Variants in B3GLCT observed in about 807,000 individuals in gnomAD.
B3GLCT encodes beta 3-glucosyltransferase.
Under a neutral mutation model 63.4 loss-of-function variants are expected in B3GLCT, and 65 were observed. The ratio of observed to expected loss-of-function variants is 1.03; its 90% CI spans 0.84 to 1.26. B3GLCT has a LOEUF of 1.26. Among genes scored for constraint, B3GLCT ranks in the 50% most tolerant of loss-of-function variants. The pLI, the probability that B3GLCT is intolerant of heterozygous loss-of-function variation, is 0.00. For missense variants in B3GLCT, 577 were observed against 604.8 expected (o/e 0.95, Z 0.48); for synonymous variants, 233 against 219.2 (o/e 1.06, Z -0.55).
chr13:31,254,882 A>T (rs1871645451), intron 6 of B3GLCT, among the ~76,000 whole-genome samples: 1 of 152,046 alleles, frequency 6.6e-6, no homozygotes, highest in Admixed American at 6.5e-5. Context: ...CTAAAAATAC[A>T]AAAAATTAGC....
At chr13:31,221,312 T>G (rs1342792682) in intron 2 of B3GLCT, among the ~76,000 whole-genome samples, 1 of 152,178 alleles carries the variant, frequency 6.6e-6, no homozygotes, top group African/African-American at 2.4e-5. Flanking sequence ...TGGAGCCAAA[T>G]GGCTCCTCTG....
Position 31,317,638 on chromosome 13 carries a change from C to A in B3GLCT, c.1137C>A (p.Gly379=). Residue 379 remains glycine, a synonymous_variant, in exon 13 of 15, where the codon GGC becomes GGA. Transcript: ENST00000343307. ...GEPVFLGERY[G]YGLGTGGYSY... ...CTGTGTTTCTGGGAGAGCGCTACGG[C>A]TACGGCCTGGGCACTGGTGGCTACA... 1.2e-6 allele frequency: 2 copies of A among 1,614,096 alleles called. No individual in the cohort carries two copies. The highest frequency in any genetic ancestry group is 1.7e-6 in the Non-Finnish European group (2 of 1,179,990).
intron 10 of B3GLCT, among the ~76,000 whole-genome samples, chr13:31,281,758 C>T (rs1873081515): frequency 6.6e-6 from 1 of 152,218 alleles, no homozygotes; most frequent in Admixed American, 6.5e-5. Context: ...AAAGGGCCAT[C>T]TGCAAGCTGA....
At chr13:31,302,692 G>A (rs1322384391) in intron 12 of B3GLCT, among the ~76,000 whole-genome samples, 11 of 18,970 alleles carry the variant, frequency 5.8e-4, no homozygotes, top group African/African-American at 1.3e-3. Context: ...ACGGAATCTC[G>A]CTGATTGCTA....
At chr13:31,276,953 G>A (rs984517843) in intron 10 of B3GLCT, among the ~76,000 whole-genome samples, 182 bp downstream of exon 10, 2 of 152,098 alleles carry the variant, frequency 1.3e-5, no homozygotes, top group Non-Finnish European at 2.9e-5. Context: ...AGATCAATTA[G>A]GAAAGAAAAT....
chr13:31,206,493 C>T (rs990950407), intron 1 of B3GLCT, among the ~76,000 whole-genome samples: 2 of 148,050 alleles, frequency 1.4e-5, no homozygotes, highest in Admixed American at 1.3e-4. Flanking sequence ...GTAATCCCAG[C>T]ACTTTGGGAG....
intron 2 of B3GLCT, among the ~76,000 whole-genome samples, chr13:31,220,084 G>A (rs947724538): frequency 2.0e-5 from 3 of 152,206 alleles, no homozygotes; most frequent in Non-Finnish European, 1.5e-5. Flanking sequence ...GCCCAGGGCC[G>A]ACTGAGTGTA....
chr13:31,292,757 C>T (rs955522204), intron 12 of B3GLCT, among the ~76,000 whole-genome samples: 1 of 151,242 alleles, frequency 6.6e-6, no homozygotes, highest in Non-Finnish European at 1.5e-5. Context: ...TTTCAAAAAA[C>T]CAGCTCCTGG....
rs372590580 is a variant in B3GLCT, at chr13:31,255,873, C to T, written c.460-5073C>T. ...AAAACCTAGGCAATACCATTCAGGA[C>T]ATAGGCATGGGCAAAGACTTCATGA... On this transcript the variant is annotated intron_variant, in intron 6 of 14. Transcript: ENST00000343307. Among the ~76,000 whole-genome samples, 255 of 152,264 alleles carry T rather than the reference C, an allele frequency of 1.7e-3. 3 individuals carry two copies. The highest frequency in any genetic ancestry group is 3.0e-3 in the Non-Finnish European group (202 of 68,018).
At chr13:31,278,328 TTTC>T (rs1037194982) in intron 10 of B3GLCT, among the ~76,000 whole-genome samples, 2 of 152,192 alleles carry the variant, frequency 1.3e-5, no homozygotes, top group African/African-American at 4.8e-5. Flanking sequence ...AGTTTACTGC[TTTC>T]TTATTTTGCA....
chr13:31,200,252 G>C, intron 1 of B3GLCT, 98 bp downstream of exon 1: 1 of 631,526 alleles, frequency 1.6e-6, no homozygotes, highest in Non-Finnish European at 2.0e-6. Context: ...GCGCAGGGCG[G>C]CCCAGCCCTG....
intron 3 of B3GLCT, among the ~76,000 whole-genome samples, chr13:31,228,430 C>T (rs1203911190): frequency 6.6e-6 from 1 of 152,156 alleles, no homozygotes; most frequent in African/African-American, 2.4e-5. Flanking sequence ...TGGCTTAGTA[C>T]AAGCAACAGA....
chr13:31,208,095 T>G (rs530857199), intron 1 of B3GLCT, among the ~76,000 whole-genome samples: 30 of 152,266 alleles, frequency 2.0e-4, no homozygotes, highest in Middle Eastern at 3.4e-3. Context: ...TCTTTGTACT[T>G]TGTACTCTGT....
chr13:31,279,272 A>G (rs1353556230), intron 10 of B3GLCT, among the ~76,000 whole-genome samples: 1 of 152,028 alleles, frequency 6.6e-6, no homozygotes, highest in African/African-American at 2.4e-5. Context: ...AGCAGAATAC[A>G]TGGTCTGGGG....
chr13:31,296,936 C>T (rs923292047), intron 12 of B3GLCT, among the ~76,000 whole-genome samples: 5 of 152,084 alleles, frequency 3.3e-5, no homozygotes, highest in African/African-American at 1.2e-4. Flanking sequence ...CTCCCCTAAC[C>T]CCATCCCCTG....
At chr13:31,237,941 A>G (rs1394864475) in intron 4 of B3GLCT, among the ~76,000 whole-genome samples, 2 of 152,146 alleles carry the variant, frequency 1.3e-5, no homozygotes, top group Non-Finnish European at 2.9e-5. Context: ...CCCACCATGA[A>G]CATTCGTAAA....
In B3GLCT at chr13:31,286,705, T is replaced by C. The variant is rs1213411862; in HGVS notation, c.965-15T>C. 6.5e-7 allele frequency: 1 copy of C among 1,537,766 alleles called. No individual in the cohort carries two copies. Among genetic ancestry groups the C allele is most frequent in the East Asian group, 2.2e-5 (1 of 44,452 alleles). On this transcript the variant is annotated splice_polypyrimidine_tract_variant and intron_variant, in intron 11 of 14. Transcript: ENST00000343307. ...AGAAATAATACATTGTAAGTTTTTT[T>C]CTTGCCTTTTCTAGGTCATTGTGGA...
chr13:31,320,626 C>T (rs1875285746), intron 13 of B3GLCT, among the ~76,000 whole-genome samples: 1 of 152,224 alleles, frequency 6.6e-6, no homozygotes, highest in South Asian at 2.1e-4. Context: ...TCCTAACTGG[C>T]AGTAGAACTT....
intron 12 of B3GLCT, among the ~76,000 whole-genome samples, chr13:31,311,989 A>G (rs888587041): frequency 6.6e-6 from 1 of 152,244 alleles, no homozygotes; most frequent in Non-Finnish European, 1.5e-5. Context: ...CACTCCAGGG[A>G]GAGAGACATT....
Sources: allele counts gnomAD v4.1 joint callset (sites outside exome capture counted in the v4.1 genomes callset), GRCh38; gene constraint gnomAD v4.1.1; transcripts MANE v1.5; gene names NCBI Gene and HGNC (gene_info 2026-07-23, HGNC 2026-07-21).